Variants in STAT4 observed in about 807,000 individuals in gnomAD.
The protein encoded by STAT4 is signal transducer and activator of transcription 4.
In STAT4, 42 loss-of-function variants were observed where a neutral mutation model predicts 110.5. The observed-to-expected ratio is 0.38, with a 90% confidence interval of 0.30 to 0.49. The LOEUF (loss-of-function observed/expected upper bound fraction) is 0.49. Among genes scored for constraint, STAT4 ranks in the 20% least tolerant of loss-of-function variants. The pLI is 0.95. For synonymous variants in STAT4, 284 were observed against 302.2 expected (o/e 0.94, Z 0.63); for missense variants, 632 against 887.9 (o/e 0.71, Z 3.66).
rs1411325904 is a variant in STAT4 at position 191,062,749 on chromosome 2, G to A, written c.941+13C>T. On this transcript the variant is annotated intron_variant, in intron 9 of 23. Transcript: ENST00000392320. The surrounding 1 kb of genome is among the most constrained non-coding windows in gnomAD (Gnocchi z 4.9). The stretch of plus-strand genomic sequence containing the variant: ...CACAGAATGGAGGATGCCATTGATA[G>A]CACTTCACTTACTTCTTGAAAAGGT... 1.1e-5 allele frequency: 17 copies of A among 1,612,936 alleles called. No homozygotes were observed. Among genetic ancestry groups the A allele is most frequent in the Non-Finnish European group, 1.1e-5 (13 of 1,179,436 alleles).
At chr2:191,087,923 A>G (rs1697679745) in intron 3 of STAT4, among the ~76,000 whole-genome samples, 3 of 152,122 alleles carry the variant, frequency 2.0e-5, no homozygotes, top group Admixed American at 2.0e-4. Context: ...CAAAAAATCT[A>G]CAGGTAATAT....
At chr2:191,105,381 G>A (rs978952806) in intron 3 of STAT4, among the ~76,000 whole-genome samples, 2 of 152,160 alleles carry the variant, frequency 1.3e-5, no homozygotes, top group Non-Finnish European at 2.9e-5. Context: ...AATTCATGAA[G>A]GGATGACACA....
rs1460727690 is a variant in STAT4, at chr2:191,110,145, T to C, written c.274-33820A>G. 6.6e-6 allele frequency among the ~76,000 whole-genome samples: 1 copy of C among 152,136 alleles called. No individual in the cohort carries two copies. The highest frequency in any genetic ancestry group is 1.5e-5 in the Non-Finnish European group (1 of 68,018). ...CCACTTGAGGAAACACTACTTCATG[T>C]CCCTATGGAAACATGACCACAAAAC... On this transcript the variant is annotated intron_variant, in intron 3 of 23. Coordinates refer to ENST00000392320, the MANE Select transcript of STAT4 (RefSeq NM_003151.4). This position sits in a 1 kb window ranked among gnomAD's most constrained non-coding sequence, Gnocchi z 4.5.
In STAT4 at chr2:191,033,506, C is replaced by T; in HGVS notation, c.1836G>A (p.Val612=). Residue 612 remains valine (V), a synonymous_variant, in exon 20 of 24, where the codon GTG becomes GTA. Transcript: ENST00000392320. This position sits in a 1 kb window ranked among gnomAD's most constrained non-coding sequence, Gnocchi z 6.9. ...SHLGGITFTW[V]DHSESGEVRF... ...AGTATATACCACTTTCAGAATGGTC[C>T]ACCCAGGTGAAAGTTATTCCTCCGA... is the stretch of plus-strand genomic sequence containing the variant. The T allele has an allele frequency of 6.2e-7, 1 of 1,613,228 alleles. No homozygotes were observed. The highest frequency in any genetic ancestry group is 1.1e-5 in the South Asian group (1 of 90,928).
At position 191,031,592 on chromosome 2, in the gene STAT4, GA is replaced by G; in HGVS notation, c.2045-77del. On this transcript the variant is annotated intron_variant, in intron 21 of 23. Coordinates refer to ENST00000392320, the MANE Select transcript of STAT4 (RefSeq NM_003151.4). This position sits in a 1 kb window ranked among gnomAD's most constrained non-coding sequence, Gnocchi z 4.8. ...ATAAAACTGGGGAAAAAAGAGTCTA[GA>G]AAAATATTAACAATGATAAGAGGAA... 3.3e-6 allele frequency: 4 copies of G among 1,196,686 alleles called. No homozygotes were observed. Among genetic ancestry groups the G allele is most frequent in the Non-Finnish European group, 4.9e-6 (4 of 824,628 alleles). 74.1% of individuals were successfully genotyped at this position (1,196,686 alleles called of 1,614,324 possible). A position where few individuals can be genotyped will look rare whatever the true frequency, so the allele number is the denominator to read the frequency against.
At chr2:191,057,063 G>T (rs55822387) in intron 13 of STAT4, among the ~76,000 whole-genome samples, 198 of 152,254 alleles carry the variant, frequency 1.3e-3, no homozygotes, top group African/African-American at 4.6e-3. Flanking sequence ...GATTAGAGGC[G>T]TGAGCCACCG....
Position 191,117,416 on chromosome 2 carries a change from G to A in STAT4, c.273+29197C>T, listed in dbSNP as rs1405139931. On this transcript the variant is annotated intron_variant, in intron 3 of 23. Coordinates refer to ENST00000392320, the MANE Select transcript of STAT4 (RefSeq NM_003151.4). This position sits in a 1 kb window ranked among gnomAD's most constrained non-coding sequence, Gnocchi z 5.2. ...ATGATTATCTTCCAGAACATCCTCGGGCATTTCTTCTTGTCCTAAAATAAT... is the reference window on the plus strand; with the variant it reads ...ATGATTATCTTCCAGAACATCCTCGAGCATTTCTTCTTGTCCTAAAATAAT... 3.3e-5 allele frequency among the ~76,000 whole-genome samples: 5 copies of A among 152,036 alleles called. No homozygotes were observed. Among genetic ancestry groups the A allele is most frequent in the Non-Finnish European group, 7.4e-5 (5 of 68,012 alleles).
intron 14 of STAT4, among the ~76,000 whole-genome samples, chr2:191,048,312 A>G (rs1696410625): frequency 6.6e-6 from 1 of 152,204 alleles, no homozygotes; most frequent in South Asian, 2.1e-4. Flanking sequence ...CATACTATAC[A>G]CAAGACTGGA....
Position 191,059,410 on chromosome 2 carries a change from A to T in STAT4, c.1035-641T>A, listed in dbSNP as rs928405155. On this transcript the variant is annotated intron_variant, in intron 10 of 23. Transcript: ENST00000392320. This position sits in a 1 kb window ranked among gnomAD's most constrained non-coding sequence, Gnocchi z 4.7. ...TCTTTTGCTTTCTCCAGCTCCTCAGATTTCTGTCCTGTGATGTAACCTACC... is the reference window on the plus strand; with the variant it reads ...TCTTTTGCTTTCTCCAGCTCCTCAGTTTTCTGTCCTGTGATGTAACCTACC... Among the ~76,000 whole-genome samples the T allele has an allele frequency of 6.6e-5, 10 of 152,106 alleles. No individual in the cohort carries two copies. Among genetic ancestry groups the T allele is most frequent in the African/African-American group, 2.4e-4 (10 of 41,416 alleles).
chr2:191,078,113 T>TAATTTGGAAGC (rs1697365147), intron 3 of STAT4, among the ~76,000 whole-genome samples: 1 of 151,964 alleles, frequency 6.6e-6, no homozygotes, highest in African/African-American at 2.4e-5. Flanking sequence ...AAAAAAGGGC[T>TAATTTGGAAGC]TCTCCTAGGG....
intron 3 of STAT4, among the ~76,000 whole-genome samples, chr2:191,128,044 T>C (rs1270624366): frequency 1.3e-5 from 2 of 152,208 alleles, no homozygotes; most frequent in Non-Finnish European, 2.9e-5. Context: ...GATCCCATAT[T>C]AGGCATCAAA....
chr2:191,098,082 A>G (rs978878664), intron 3 of STAT4, among the ~76,000 whole-genome samples: 1 of 152,254 alleles, frequency 6.6e-6, no homozygotes, highest in African/African-American at 2.4e-5. Context: ...CACACCAGTT[A>G]GAATTGCAAT....
At chr2:191,096,965 A>G (rs2125324399) in intron 3 of STAT4, among the ~76,000 whole-genome samples, 1 of 152,320 alleles carries the variant, frequency 6.6e-6, no homozygotes, top group East Asian at 1.9e-4. Flanking sequence ...AAGCATTCTT[A>G]TACACCAATA....
chr2:191,108,745 G>T (rs1314183360), intron 3 of STAT4, among the ~76,000 whole-genome samples: 1 of 152,204 alleles, frequency 6.6e-6, no homozygotes, highest in East Asian at 1.9e-4. Context: ...CTGTGGTTGG[G>T]CCTGACGGAT....
In STAT4 at chr2:191,140,226, A is replaced by G. The variant is rs550698819; in HGVS notation, c.273+6387T>C. On this transcript the variant is annotated intron_variant, in intron 3 of 23. Transcript: ENST00000392320. This position sits in a 1 kb window ranked among gnomAD's most constrained non-coding sequence, Gnocchi z 4.4. Reference sequence around the variant, plus strand: ...CTAAGACCCCACAAGCAAATGCAACAAAAACAAAGATAAATAGATGGGACC... The same window carrying G: ...CTAAGACCCCACAAGCAAATGCAACGAAAACAAAGATAAATAGATGGGACC... 6.6e-6 allele frequency among the ~76,000 whole-genome samples: 1 copy of G among 152,370 alleles called. No homozygotes were observed. The highest frequency in any genetic ancestry group is 1.9e-4 in the East Asian group (1 of 5,188).
intron 3 of STAT4, among the ~76,000 whole-genome samples, chr2:191,141,223 A>C (rs1211421463): frequency 1.3e-5 from 2 of 152,050 alleles, no homozygotes; most frequent in Admixed American, 6.6e-5. Flanking sequence ...CCTGTACCCC[A>C]AAAACTACTG....
chr2:191,069,206 A>G (rs1359965659), intron 6 of STAT4, among the ~76,000 whole-genome samples: 4 of 152,034 alleles, frequency 2.6e-5, no homozygotes, highest in Non-Finnish European at 4.4e-5. Context: ...CGATTTCACG[A>G]GATTTTTATT....
At chr2:191,071,092 C>T (rs923728507) in intron 5 of STAT4, among the ~76,000 whole-genome samples, 12 of 152,140 alleles carry the variant, frequency 7.9e-5, no homozygotes, top group African/African-American at 2.9e-4. Context: ...GTCTACCCAC[C>T]CGTAGTAATA....
intron 3 of STAT4, chr2:191,131,594 G>T (rs988316847): frequency 2.5e-6 from 1 of 397,020 alleles, no homozygotes; most frequent in Non-Finnish European, 4.3e-6. Flanking sequence ...GCAAATTTTG[G>T]GTCAGTGGTT....
Sources: gnomAD v4.1 joint callset for allele counts (sites outside exome capture counted in the v4.1 genomes callset) on GRCh38, gnomAD v4.1.1 for gene constraint, Gnocchi (gnomAD v3.1) non-coding constraint, MANE v1.5 for transcripts, NCBI Gene and HGNC (gene_info 2026-07-23, HGNC 2026-07-21) for gene names.